CUX2: variants seen among roughly 807,000 people sequenced by gnomAD.
CUX2 encodes the protein cut like homeobox 2.
In CUX2, 40 loss-of-function variants were observed where a neutral mutation model predicts 144.8. The ratio of observed to expected loss-of-function variants is 0.28; its 90% CI spans 0.21 to 0.36. The LOEUF (loss-of-function observed/expected upper bound fraction) is 0.36. Ranked by LOEUF, CUX2 falls within the 10% of genes least tolerant of loss-of-function variation. The pLI is 1.00. For synonymous variants in CUX2, 827 were observed against 875.6 expected (o/e 0.94, Z 0.98); for missense variants, 1,615 against 1,994.0 (o/e 0.81, Z 3.62).
intron 4 of CUX2, among the ~76,000 whole-genome samples, chr12:111,268,517 C>T (rs1013710529): frequency 1.4e-4 from 21 of 152,338 alleles, no homozygotes; most frequent in African/African-American, 3.8e-4. Context: ...CCCCATCCCG[C>T]GCTCACAGGA....
intron 1 of CUX2, among the ~76,000 whole-genome samples, chr12:111,137,842 A>G (rs949396536): frequency 1.3e-5 from 2 of 152,188 alleles, no homozygotes; most frequent in African/African-American, 2.4e-5. Flanking sequence ...CTTAGGGGTG[A>G]GCATGGGGCA....
rs12303581 is a variant in CUX2 at position 111,214,327 on chromosome 12, G to A, written c.174+17G>A. On this transcript the variant is annotated intron_variant, in intron 2 of 21. Transcript: ENST00000261726. ...GTACCTGAGGTATGGTATATTTGCC[G>A]TTATAGAATTAACTCAGTAGGAATG... is the stretch of plus-strand genomic sequence containing the variant. 926 of 1,427,316 alleles carry A rather than the reference G, an allele frequency of 6.5e-4. 6 individuals are homozygous for A. The African/African-American group carries it at 0.011, about 17-fold the overall frequency. 88.4% of individuals were successfully genotyped at this position (1,427,316 alleles called of 1,614,324 possible).
chr12:111,347,563 G>A lies in CUX2; in HGVS notation c.3699G>A (p.Gln1233=). The change falls in exon 22 of 22, where the codon CAG becomes CAA. Residue 1233 remains glutamine, a synonymous_variant. Coordinates refer to ENST00000261726, the MANE Select transcript of CUX2 (RefSeq NM_015267.4). ...MRREMLVEGT[Q]DEPDLDPSGG... is the part of the protein sequence containing the mutation. ...GGGAGATGTTGGTGGAGGGGACCCA[G>A]GATGAGCCAGACCTTGATCCAAGCG... The A allele has an allele frequency of 6.2e-7, 1 of 1,610,938 alleles. No homozygotes were observed. Among genetic ancestry groups the A allele is most frequent in the Non-Finnish European group, 8.5e-7 (1 of 1,178,856 alleles).
intron 9 of CUX2, among the ~76,000 whole-genome samples, chr12:111,302,519 A>G (rs904424593): frequency 1.3e-5 from 2 of 152,230 alleles, no homozygotes; most frequent in African/African-American, 4.8e-5. Context: ...CAAAGTCAGA[A>G]TGTGAGCCCA....
intron 1 of CUX2, among the ~76,000 whole-genome samples, chr12:111,124,928 A>G (rs567839534): frequency 7.2e-5 from 11 of 152,300 alleles, no homozygotes; most frequent in African/African-American, 2.6e-4. Flanking sequence ...TTTGCTTAGG[A>G]AAGGGTTCTG....
intron 1 of CUX2, among the ~76,000 whole-genome samples, chr12:111,110,000 A>G (rs955791696): frequency 8.6e-5 from 13 of 151,448 alleles, no homozygotes; most frequent in African/African-American, 3.2e-4. Context: ...CTCAGCCTCC[A>G]GAGTGGCTGG....
At chr12:111,239,147 C>T (rs957118615) in intron 3 of CUX2, among the ~76,000 whole-genome samples, 5 of 152,288 alleles carry the variant, frequency 3.3e-5, no homozygotes, top group South Asian at 2.1e-4. Flanking sequence ...GGCAGCAGAA[C>T]GCCTCTCCTT....
chr12:111,160,885 G>T lies in CUX2; in HGVS notation c.64-53315G>T, dbSNP rs112979773. Among the ~76,000 whole-genome samples, 1 of 152,134 alleles carries T rather than the reference G, an allele frequency of 6.6e-6. No homozygotes were observed. Among genetic ancestry groups the T allele is most frequent in the Non-Finnish European group, 1.5e-5 (1 of 68,026 alleles). On this transcript the variant is annotated intron_variant, in intron 1 of 21. Transcript: ENST00000261726. This position sits in a 1 kb window ranked among gnomAD's most constrained non-coding sequence, Gnocchi z 4.1. ...TGAACAGCTGGGTGGACTCCGTGCCGCTTCCTGCCATGGGGAAGATGCAGG... is the reference window on the plus strand; with the variant it reads ...TGAACAGCTGGGTGGACTCCGTGCCTCTTCCTGCCATGGGGAAGATGCAGG...
chr12:111,087,962 A>G (rs1452062144), intron 1 of CUX2, among the ~76,000 whole-genome samples: 1 of 152,238 alleles, frequency 6.6e-6, no homozygotes, highest in Non-Finnish European at 1.5e-5. Context: ...AGCACTACTC[A>G]GTAATGAAAA....
At chr12:111,139,881 G>C (rs554039458) in intron 1 of CUX2, among the ~76,000 whole-genome samples, 1 of 152,046 alleles carries the variant, frequency 6.6e-6, no homozygotes. Context: ...TGTTAAAATC[G>C]GACAAACCCA....
At chr12:111,335,316 C>G (rs1014849846) in intron 19 of CUX2, among the ~76,000 whole-genome samples, 2 of 152,092 alleles carry the variant, frequency 1.3e-5, no homozygotes, top group African/African-American at 4.8e-5. Flanking sequence ...TCGCTTGAAC[C>G]TGGGAGGCAG....
chr12:111,116,193 A>T (rs111455901), intron 1 of CUX2, among the ~76,000 whole-genome samples: 2,737 of 152,346 alleles, frequency 0.018, 91 homozygotes, highest in African/African-American at 0.063. Flanking sequence ...GGTAATGATT[A>T]TAATACAGAA....
chr12:111,290,956 G>A (rs1433194232), intron 4 of CUX2, among the ~76,000 whole-genome samples: 2 of 151,478 alleles, frequency 1.3e-5, no homozygotes, highest in Non-Finnish European at 2.9e-5. Flanking sequence ...TCCACCTCCT[G>A]GGTTCAAGCG....
At chr12:111,042,624 G>T (rs1336525985) in intron 1 of CUX2, among the ~76,000 whole-genome samples, 2 of 152,082 alleles carry the variant, frequency 1.3e-5, no homozygotes, top group African/African-American at 4.8e-5. Context: ...AAGAATTGTT[G>T]TGAGGACTTT....
intron 16 of CUX2, among the ~76,000 whole-genome samples, chr12:111,313,365 C>T (rs745449235): frequency 4.6e-4 from 70 of 151,536 alleles, no homozygotes; most frequent in Non-Finnish European, 7.8e-4. Context: ...CACCGTGCCC[C>T]GCCCATCTTC....
intron 1 of CUX2, among the ~76,000 whole-genome samples, chr12:111,195,179 G>A (rs1880163762): frequency 6.6e-6 from 1 of 152,160 alleles, no homozygotes. Flanking sequence ...TCAAAAAAGA[G>A]CATGTGAAAC....
At chr12:111,134,622 G>A (rs368933093) in intron 1 of CUX2, among the ~76,000 whole-genome samples, 2 of 133,358 alleles carry the variant, frequency 1.5e-5, no homozygotes, top group African/African-American at 6.3e-5. Flanking sequence ...CTCTCTCTCT[G>A]TGTGTGTGTG....
rs570442828 is a variant in CUX2, at chr12:111,179,687, T to G, written c.64-34513T>G. On this transcript the variant is annotated intron_variant, in intron 1 of 21. Transcript: ENST00000261726. ...TCAGCAGGGGCCATGGTTTTGTTTT[T>G]TTTTTTTGGTGTTGAGTCTCACTCT... Among the ~76,000 whole-genome samples, 359 of 152,000 alleles carry G rather than the reference T, an allele frequency of 2.4e-3. 3 individuals are homozygous for G. Among genetic ancestry groups the G allele is most frequent in the Non-Finnish European group, 3.8e-3 (258 of 67,934 alleles).
intron 1 of CUX2, among the ~76,000 whole-genome samples, chr12:111,193,472 G>A (rs1394329783): frequency 6.6e-6 from 1 of 152,232 alleles, no homozygotes; most frequent in Admixed American, 6.5e-5. Context: ...TGTTGGGGGG[G>A]AGAAAAGAAG....
Sources: gnomAD v4.1 joint callset for allele counts (sites outside exome capture counted in the v4.1 genomes callset) on GRCh38, gnomAD v4.1.1 for gene constraint, Gnocchi (gnomAD v3.1) non-coding constraint, MANE v1.5 for transcripts, NCBI Gene and HGNC (gene_info 2026-07-23, HGNC 2026-07-21) for gene names.